BMPR1B: variants seen among roughly 807,000 people sequenced by gnomAD.
The protein encoded by BMPR1B is bone morphogenetic protein receptor type 1B, also known as bone morphogenetic protein receptor type-1B.
BMPR1B carries 12 observed loss-of-function variants against 59.1 expected under a neutral mutation model. That is an observed-to-expected ratio of 0.20 (90% confidence interval 0.13 to 0.33). BMPR1B has a LOEUF of 0.33. Among genes scored for constraint, BMPR1B ranks in the 10% least tolerant of loss-of-function variants. The probability of loss-of-function intolerance (pLI) is 1.00; values close to 1 mark genes in which losing one functional copy is unlikely to be tolerated. For missense variants in BMPR1B, 550 were observed against 610.9 expected (o/e 0.90, Z 1.05); for synonymous variants, 237 against 207.3 (o/e 1.14, Z -1.23).
intron 2 of BMPR1B, among the ~76,000 whole-genome samples, chr4:94,943,191 A>G (rs1444560511): frequency 6.6e-6 from 1 of 151,066 alleles, no homozygotes; most frequent in Admixed American, 6.6e-5. Flanking sequence ...CCCAGGCTGG[A>G]GTGCAATGGC....
chr4:95,023,151 C>A (rs1252082222), intron 3 of BMPR1B, among the ~76,000 whole-genome samples: 2 of 152,096 alleles, frequency 1.3e-5, no homozygotes, highest in African/African-American at 4.8e-5. Flanking sequence ...TATAACCCAA[C>A]GTATTTCCAG....
intron 2 of BMPR1B, among the ~76,000 whole-genome samples, chr4:94,934,808 G>A (rs1729228305): frequency 6.6e-6 from 1 of 152,002 alleles, no homozygotes; most frequent in African/African-American, 2.4e-5. Flanking sequence ...TCAAGATTCT[G>A]TGTGCCTTTT....
intron 2 of BMPR1B, among the ~76,000 whole-genome samples, chr4:94,994,250 GT>G (rs1721924065): frequency 6.6e-6 from 1 of 152,174 alleles, no homozygotes; most frequent in African/African-American, 2.4e-5. Flanking sequence ...AGTTGGTTTT[GT>G]TTTGTTTTTA....
intron 2 of BMPR1B, among the ~76,000 whole-genome samples, chr4:94,953,207 T>C (rs1297116516): frequency 6.6e-6 from 1 of 152,180 alleles, no homozygotes; most frequent in Non-Finnish European, 1.5e-5. Flanking sequence ...GTCTTGACTC[T>C]TTATCCAATT....
chr4:95,061,378 ATGCAG>A (rs1727382591), intron 3 of BMPR1B, among the ~76,000 whole-genome samples: 1 of 152,160 alleles, frequency 6.6e-6, no homozygotes, highest in African/African-American at 2.4e-5. Flanking sequence ...AAGCTCAGCA[ATGCAG>A]CTGTCTCTAA....
intron 2 of BMPR1B, among the ~76,000 whole-genome samples, chr4:94,943,905 A>G (rs79957234): frequency 1.6e-4 from 24 of 152,340 alleles, no homozygotes; most frequent in African/African-American, 5.1e-4. Flanking sequence ...TAAATGTTGC[A>G]TATGTATATA....
chr4:94,846,103 TA>T (rs932869554), intron 1 of BMPR1B, among the ~76,000 whole-genome samples: 2 of 152,130 alleles, frequency 1.3e-5, no homozygotes, highest in Non-Finnish European at 2.9e-5. Flanking sequence ...GGCACTGGCA[TA>T]AAAACAGATA....
At chr4:94,906,353 G>C (rs569364015) in intron 2 of BMPR1B, among the ~76,000 whole-genome samples, 2 of 151,920 alleles carry the variant, frequency 1.3e-5, no homozygotes, top group Non-Finnish European at 2.9e-5. Flanking sequence ...TGTCAAAAGC[G>C]CAGTCTGAAT....
chr4:95,122,434 G>A (rs1164144189), intron 6 of BMPR1B, among the ~76,000 whole-genome samples: 1 of 152,082 alleles, frequency 6.6e-6, no homozygotes, highest in Non-Finnish European at 1.5e-5. Flanking sequence ...TGTTTGAGAT[G>A]ATGGATATGC....
At chr4:94,973,860 A>G (rs1168676208) in intron 2 of BMPR1B, among the ~76,000 whole-genome samples, 2 of 152,214 alleles carry the variant, frequency 1.3e-5, no homozygotes, top group South Asian at 2.1e-4. Flanking sequence ...GAATTCATTT[A>G]CTGAATTCAG....
chr4:95,055,351 AATAGG>A (rs1335722474), intron 3 of BMPR1B, among the ~76,000 whole-genome samples: 1 of 152,172 alleles, frequency 6.6e-6, no homozygotes, highest in East Asian at 1.9e-4. Flanking sequence ...CATGGCTGTG[AATAGG>A]TAGTTTCACA....
At position 94,850,931 on chromosome 4, in the gene BMPR1B, G is replaced by A. The variant is rs570375682; in HGVS notation, c.-182-24900G>A. On this transcript the variant is annotated intron_variant, in intron 1 of 12. Transcript: ENST00000515059. ...GGCAATAAATAGACTTACTTGTGTGGCTGTGGCTAGTGCAATGACTGGCAT... is the reference window on the plus strand; with the variant it reads ...GGCAATAAATAGACTTACTTGTGTGACTGTGGCTAGTGCAATGACTGGCAT... Among the ~76,000 whole-genome samples, 28 of 152,252 alleles carry A rather than the reference G, an allele frequency of 1.8e-4. 1 individual carries two copies. In the South Asian group the frequency reaches 5.8e-3, roughly 32 times the overall value.
intron 3 of BMPR1B, among the ~76,000 whole-genome samples, chr4:95,046,453 C>T (rs1275704300): frequency 1.3e-5 from 2 of 152,102 alleles, no homozygotes; most frequent in African/African-American, 4.8e-5. Flanking sequence ...ATTCAGTAGT[C>T]TATATTCCTT....
chr4:95,140,943 C>T (rs1734192347), intron 10 of BMPR1B, among the ~76,000 whole-genome samples: 2 of 152,100 alleles, frequency 1.3e-5, no homozygotes, highest in Non-Finnish European at 2.9e-5. Context: ...AACCCTGATT[C>T]TAGGAAGTGG....
intron 3 of BMPR1B, among the ~76,000 whole-genome samples, chr4:95,046,868 A>G (rs1206592184): frequency 6.6e-6 from 1 of 152,188 alleles, no homozygotes; most frequent in Non-Finnish European, 1.5e-5. Context: ...CTCCTTTCTG[A>G]TATTTCTTCT....
At chr4:95,088,075 T>G (rs1336764610) in intron 3 of BMPR1B, among the ~76,000 whole-genome samples, 5 of 152,188 alleles carry the variant, frequency 3.3e-5, no homozygotes, top group Admixed American at 1.3e-4. Flanking sequence ...CCATATTGAT[T>G]TTATTACATT....
At chr4:94,977,896 G>A (rs1169114347) in intron 2 of BMPR1B, among the ~76,000 whole-genome samples, 1 of 152,134 alleles carries the variant, frequency 6.6e-6, no homozygotes, top group East Asian at 1.9e-4. Flanking sequence ...ATTCTACTTG[G>A]AAATATTCTT....
chr4:94,881,819 G>A (rs1350199792), intron 2 of BMPR1B, among the ~76,000 whole-genome samples: 1 of 151,954 alleles, frequency 6.6e-6, no homozygotes, highest in African/African-American at 2.4e-5. Context: ...TAAGGCTATT[G>A]GTTTCACCTC....
At chr4:95,113,982 TTCCTC>T (rs1415131535) in intron 4 of BMPR1B, among the ~76,000 whole-genome samples, 1 of 152,158 alleles carries the variant, frequency 6.6e-6, no homozygotes, top group African/African-American at 2.4e-5. Context: ...AAAATTTTAT[TTCCTC>T]TCCACTGTCT....
Sources: allele counts gnomAD v4.1 joint callset (sites outside exome capture counted in the v4.1 genomes callset), GRCh38; gene constraint gnomAD v4.1.1; transcripts MANE v1.5; gene names NCBI Gene and HGNC (gene_info 2026-07-23, HGNC 2026-07-21).